The following ARID1B variants were observed in gnomAD, a reference collection of about 807,000 sequenced individuals.
ARID1B encodes the protein AT-rich interactive domain-containing protein 1B.
Under a neutral mutation model 212.3 loss-of-function variants are expected in ARID1B, and 30 were observed. That is an observed-to-expected ratio of 0.14 (90% CI 0.11 to 0.19). ARID1B has a LOEUF of 0.19. Among genes scored for constraint, ARID1B ranks in the 10% least tolerant of loss-of-function variants. The pLI, the probability that ARID1B is intolerant of heterozygous loss-of-function variation, is 1.00. For missense variants in ARID1B, 2,891 were observed against 3,204.0 expected (o/e 0.90, Z 2.36); for synonymous variants, 1,402 against 1,301.7 (o/e 1.08, Z -1.66).
At chr6:156,898,714 G>T (rs1300412374) in intron 2 of ARID1B, among the ~76,000 whole-genome samples, 1 of 152,202 alleles carries the variant, frequency 6.6e-6, no homozygotes, top group East Asian at 1.9e-4. Context: ...ACTCACATCT[G>T]TAATCCCAGC....
chr6:157,015,697 C>T (rs1316229798), intron 4 of ARID1B, among the ~76,000 whole-genome samples: 1 of 152,222 alleles, frequency 6.6e-6, no homozygotes, highest in African/African-American at 2.4e-5. Context: ...CTCCTGACTT[C>T]AGAGTTTCCC....
At position 157,146,723 on chromosome 6, in the gene ARID1B, C is replaced by T. The variant is rs866706956; in HGVS notation, c.2762-1901C>T. 6.6e-5 allele frequency among the ~76,000 whole-genome samples: 10 copies of T among 152,316 alleles called. 1 individual carries two copies. The highest frequency in any genetic ancestry group is 6.2e-4 in the South Asian group (3 of 4,826). On this transcript the variant is annotated intron_variant, in intron 7 of 19. Transcript: ENST00000636930. The stretch of plus-strand genomic sequence containing the variant: ...AACTGGATTGTATTTAGCTTTACGT[C>T]ACCTGTGCCTAGAACAGCTTCTGGA...
At chr6:156,884,136 T>C (rs939676043) in intron 2 of ARID1B, among the ~76,000 whole-genome samples, 8 of 152,198 alleles carry the variant, frequency 5.3e-5, no homozygotes, top group Non-Finnish European at 1.0e-4. Flanking sequence ...TTGATGTAAA[T>C]AGTAGAAGAT....
chr6:156,856,672 C>CCTCTCTCTCTCTCTCTCTCTCTCT (rs367924636), intron 2 of ARID1B, among the ~76,000 whole-genome samples: 3 of 108,720 alleles, frequency 2.8e-5, no homozygotes, highest in African/African-American at 7.3e-5. Flanking sequence ...GCATGCATAT[C>CCTCTCTCTCTCTCTCTCTCTCTCT]CTCTCTCTCT....
Position 157,196,198 on chromosome 6 carries a change from G to C in ARID1B, c.4265G>C (p.Gly1422Ala), listed in dbSNP as rs1436727530. 1 of 1,613,596 alleles carries C rather than the reference G, an allele frequency of 6.2e-7. No individual in the cohort carries two copies. ...PGSSEPFMTQGQMPNSSMQDM... is the reference protein window; with the variant it reads ...PGSSEPFMTQAQMPNSSMQDM... ...AGCAGCGAGCCCTTTATGACGCAAG[G>C]ACAGATGCCCAACAGCAGCATGCAG... The change falls in exon 16 of 20, where the codon GGA (glycine) becomes GCA (alanine). Residue 1422 changes from glycine to alanine, a missense_variant. Physicochemically the swap from Gly to Ala is moderately conservative, Grantham distance 60. Coordinates refer to ENST00000636930, the MANE Select transcript of ARID1B (RefSeq NM_001374828.1).
rs969914564 is a variant in ARID1B at position 156,955,076 on chromosome 6, C to T, written c.2247+19500C>T. 2.6e-5 allele frequency among the ~76,000 whole-genome samples: 4 copies of T among 152,202 alleles called. No homozygotes were observed. The highest frequency in any genetic ancestry group is 9.6e-5 in the African/African-American group (4 of 41,456). On this transcript the variant is annotated intron_variant, in intron 4 of 19. Transcript: ENST00000636930. The surrounding 1 kb of genome is among the most constrained non-coding windows in gnomAD (Gnocchi z 4.2). Reference sequence around the variant, plus strand: ...GTGATGGGAGCTGCTCTGAAGGATACGTCTCATCCATCCTGCACCTGAGCT... The same window carrying T: ...GTGATGGGAGCTGCTCTGAAGGATATGTCTCATCCATCCTGCACCTGAGCT...
At chr6:156,941,744 T>A (rs569598386) in intron 4 of ARID1B, 1 of 152,350 alleles carries the variant, frequency 6.6e-6, no homozygotes, top group African/African-American at 2.4e-5. Context: ...ATTTAAATAT[T>A]TGTTCTGTAA....
chr6:156,840,308 GCA>G (rs1277324204), intron 2 of ARID1B, among the ~76,000 whole-genome samples: 5 of 152,138 alleles, frequency 3.3e-5, no homozygotes, highest in Non-Finnish European at 4.4e-5. Flanking sequence ...AAGTAAAATT[GCA>G]CACTCCCACT....
In ARID1B at chr6:156,975,602, AT is replaced by A. The variant is rs57649427; in HGVS notation, c.2247+40036del. 1.7e-3 allele frequency among the ~76,000 whole-genome samples: 149 copies of A among 86,300 alleles called. 1 individual carries two copies. In the East Asian group the frequency reaches 0.027, roughly 16 times the overall value. 56.6% of individuals were successfully genotyped at this position (86,300 alleles called of 152,430 possible). A position where few individuals can be genotyped will look rare whatever the true frequency, so the allele number is the denominator to read the frequency against. On this transcript the variant is annotated intron_variant, in intron 4 of 19. Transcript: ENST00000636930. ...GGATATAGAATTTTAGTTTGACTGT[AT>A]TTTTTTTTTCTTTTTTTTTTTTTTT...
At chr6:156,992,971 C>T (rs1778356201) in intron 4 of ARID1B, among the ~76,000 whole-genome samples, 2 of 151,406 alleles carry the variant, frequency 1.3e-5, no homozygotes, top group Non-Finnish European at 2.9e-5. Flanking sequence ...GTCTAAAATT[C>T]AGATGCCTTC....
chr6:157,050,475 C>T (rs1364907662), intron 4 of ARID1B, among the ~76,000 whole-genome samples: 3 of 152,024 alleles, frequency 2.0e-5, no homozygotes, highest in Non-Finnish European at 2.9e-5. Flanking sequence ...ACCCAGGAGG[C>T]GGGGGTTGCA....
In ARID1B at chr6:157,208,652, C is replaced by T. The variant is rs1478012733; in HGVS notation, c.*761C>T. 4.3e-6 allele frequency: 1 copy of T among 230,212 alleles called. No homozygotes were observed. Among genetic ancestry groups the T allele is most frequent in the African/African-American group, 2.2e-5 (1 of 44,942 alleles). 14.3% of individuals were successfully genotyped at this position (230,212 alleles called of 1,614,324 possible). A position where few individuals can be genotyped will look rare whatever the true frequency, so the allele number is the denominator to read the frequency against. ...CATCATTTTTTAAATATTTTTTTTA[C>T]TGCCTATGGGCTGTGATGTATATAG... On this transcript the variant is annotated 3_prime_UTR_variant, in exon 20 of 20. Transcript: ENST00000636930.
At chr6:156,845,970 C>G (rs1562430627) in intron 2 of ARID1B, among the ~76,000 whole-genome samples, 1 of 151,994 alleles carries the variant, frequency 6.6e-6, no homozygotes, top group East Asian at 1.9e-4. Context: ...TTTCCATGAA[C>G]TTGTTTTGTT....
chr6:157,110,741 T>G (rs369895767), intron 6 of ARID1B, 180 bp downstream of exon 6: 21 of 663,060 alleles, frequency 3.2e-5, no homozygotes, highest in African/African-American at 2.0e-4. Context: ...GGATGCTTTC[T>G]TGTAGGTTGG....
chr6:156,893,082 A>T (rs1788088968), intron 2 of ARID1B, among the ~76,000 whole-genome samples: 1 of 105,144 alleles, frequency 9.5e-6, no homozygotes. Flanking sequence ...TTGCCCTGTC[A>T]CCCAGGCTGG....
intron 2 of ARID1B, chr6:156,829,639 G>A (rs1449264882): frequency 5.7e-6 from 3 of 523,536 alleles, no homozygotes; most frequent in Non-Finnish European, 9.9e-6. Context: ...TTTGGTAGAA[G>A]GGCAGCAGGA....
intron 12 of ARID1B, 92 bp downstream of exon 12, chr6:157,181,270 C>T (rs1792510932): frequency 6.9e-7 from 1 of 1,454,056 alleles, no homozygotes; most frequent in African/African-American, 1.4e-5. Flanking sequence ...CATTTTTTTT[C>T]TCACAAAGGA....
chr6:157,112,204 A>G (rs1411822404), intron 6 of ARID1B, among the ~76,000 whole-genome samples: 1 of 152,184 alleles, frequency 6.6e-6, no homozygotes, highest in Non-Finnish European at 1.5e-5. Flanking sequence ...TTGTTTCCCT[A>G]AATTCTCTAC....
chr6:157,063,493 T>A (rs73581987), intron 4 of ARID1B, among the ~76,000 whole-genome samples: 7,890 of 152,060 alleles, frequency 0.052, 450 homozygotes, highest in East Asian at 0.26. Flanking sequence ...TCTGTTAGAT[T>A]TTTTTTTAGA....
Sources: allele counts gnomAD v4.1 joint callset (sites outside exome capture counted in the v4.1 genomes callset), GRCh38; gene constraint gnomAD v4.1.1; non-coding constraint Gnocchi (gnomAD v3.1); transcripts MANE v1.5; gene names NCBI Gene and HGNC (gene_info 2026-07-23, HGNC 2026-07-21).